Variants in EP300 observed in about 807,000 individuals in gnomAD.
EP300 encodes histone acetyltransferase p300.
Under a neutral mutation model 264.0 loss-of-function variants are expected in EP300, and 31 were observed. That is an observed-to-expected ratio of 0.12 (90% CI 0.09 to 0.16). The LOEUF is 0.16. Among genes scored for constraint, EP300 ranks in the 10% least tolerant of loss-of-function variants. The probability of loss-of-function intolerance (pLI) is 1.00; values close to 1 mark genes in which losing one functional copy is unlikely to be tolerated. For missense variants in EP300, 2,766 were observed against 3,052.9 expected (o/e 0.91, Z 2.21); for synonymous variants, 1,340 against 1,045.4 (o/e 1.28, Z -5.44).
At chr22:41,134,902 C>A (rs948403040) in intron 6 of EP300, among the ~76,000 whole-genome samples, 10 of 151,212 alleles carry the variant, frequency 6.6e-5, no homozygotes. Flanking sequence ...TTGCTTTTTT[C>A]TTTCTTTCTT....
intron 2 of EP300, among the ~76,000 whole-genome samples, chr22:41,125,174 A>G (rs1156320883): frequency 3.0e-5 from 4 of 135,412 alleles, no homozygotes; most frequent in Admixed American, 8.6e-5. Context: ...GCTGGAGTGC[A>G]GCGGCGTGAT....
At chr22:41,133,573 A>C (rs1256193209) in intron 6 of EP300, among the ~76,000 whole-genome samples, 1 of 152,170 alleles carries the variant, frequency 6.6e-6, no homozygotes, top group Non-Finnish European at 1.5e-5. Flanking sequence ...GAGAATCCCA[A>C]ATCCAAAAAT....
rs768761731 is a variant in EP300, at chr22:41,149,096, A to T, written c.2300A>T (p.Gln767Leu). The T allele has an allele frequency of 1.9e-6, 3 of 1,612,900 alleles. No homozygotes were observed. The South Asian group carries it at 3.3e-5, about 18-fold the overall frequency. Residue 767 changes from glutamine to leucine, a missense_variant, in exon 13 of 31, where the codon CAG (glutamine) becomes CTG (leucine). Coordinates refer to ENST00000263253, the MANE Select transcript of EP300 (RefSeq NM_001429.4). Reference protein sequence around the residue: ...QPSNQGQFLPQTQFPSQGMNV... With the variant: ...QPSNQGQFLPLTQFPSQGMNV... ...TCCAACCAGGGCCAGTTCCTTCCTCAGACTCAGTTCCCATCACAGGGAATG... is the reference window on the plus strand; with the variant it reads ...TCCAACCAGGGCCAGTTCCTTCCTCTGACTCAGTTCCCATCACAGGGAATG...
chr22:41,137,545 A>G (rs2058958783), intron 7 of EP300, 108 bp from the exon 8 acceptor site: 3 of 1,446,848 alleles, frequency 2.1e-6, no homozygotes, highest in Non-Finnish European at 2.9e-6. Flanking sequence ...TGCGAATAGA[A>G]GTGACATAGC....
chr22:41,116,217 TTTTC>T (rs2058820826), intron 1 of EP300, among the ~76,000 whole-genome samples: 1 of 152,184 alleles, frequency 6.6e-6, no homozygotes, highest in South Asian at 2.1e-4. Flanking sequence ...TTTAGAATGT[TTTTC>T]TTTTTTTAAT....
rs878889543 is a variant in EP300 at position 41,169,626 on chromosome 22, T to C, written c.4286+10T>C. Reference sequence around the variant, plus strand: ...ATGTCAAGAAATTAGGGTAAGCATATTTTGATAATGGCTTTTTTTCTTTAA... The same window carrying C: ...ATGTCAAGAAATTAGGGTAAGCATACTTTGATAATGGCTTTTTTTCTTTAA... On this transcript the variant is annotated intron_variant, in intron 26 of 30. Coordinates refer to ENST00000263253, the MANE Select transcript of EP300 (RefSeq NM_001429.4). The C allele has an allele frequency of 2.7e-6, 4 of 1,501,348 alleles. No individual in the cohort carries two copies. The South Asian group carries it at 3.4e-5, about 13-fold the overall frequency. The allele number at this position is 1,501,348 out of a possible 1,614,324, so 93.0% of individuals were successfully genotyped here.
chr22:41,170,273 G>A (rs2059161968), intron 26 of EP300, 133 bp from the exon 27 acceptor site: 1 of 786,572 alleles, frequency 1.3e-6, no homozygotes, highest in African/African-American at 1.7e-5. Context: ...ATCTCATTCT[G>A]GGTTATATAT....
intron 1 of EP300, among the ~76,000 whole-genome samples, chr22:41,098,244 A>G (rs1483231891): frequency 1.3e-5 from 2 of 152,170 alleles, no homozygotes; most frequent in Non-Finnish European, 2.9e-5. Context: ...ATGGGAAATT[A>G]CTGCTCACTT....
chr22:41,106,274 A>G (rs1395860038), intron 1 of EP300, among the ~76,000 whole-genome samples: 1 of 152,218 alleles, frequency 6.6e-6, no homozygotes, highest in African/African-American at 2.4e-5. Flanking sequence ...AGAACAAGAA[A>G]TCTTTGTAAG....
intron 1 of EP300, among the ~76,000 whole-genome samples, chr22:41,097,289 C>T (rs755501486): frequency 1.4e-4 from 21 of 152,102 alleles, no homozygotes; most frequent in Non-Finnish European, 2.4e-4. Context: ...ATATGGGGGT[C>T]TTATTCCAGC....
Position 41,178,440 on chromosome 22 carries a change from C to T in EP300, c.6729C>T (p.Gly2243=), listed in dbSNP as rs765194008. The T allele has an allele frequency of 1.2e-4, 194 of 1,613,964 alleles. 2 individuals carry two copies. The Admixed American group carries it at 3.2e-3, about 27-fold the overall frequency. Residue 2243 remains glycine (G), a synonymous_variant, in exon 31 of 31, where the codon GGC becomes GGT. Transcript: ENST00000263253. ...AACAAGGAAATATGGGACAGATAGG[C>T]CAGCTTCCCCAGGCCTTGGGAGCAG... ...QMQQGNMGQI[G]QLPQALGAEA... is the part of the protein sequence containing the mutation.
intron 22 of EP300, 87 bp from the exon 23 acceptor site, chr22:41,166,512 A>G: frequency 2.9e-6 from 3 of 1,034,224 alleles, no homozygotes; most frequent in Non-Finnish European, 4.5e-6. Context: ...TACTTCTGCT[A>G]GATTGTCTTT....
intron 26 of EP300, 135 bp from the exon 27 acceptor site, chr22:41,170,271 C>G (rs761933297): frequency 6.6e-5 from 51 of 773,120 alleles, no homozygotes; most frequent in Non-Finnish European, 9.2e-5. Flanking sequence ...TAATCTCATT[C>G]TGGGTTATAT....
intron 2 of EP300, among the ~76,000 whole-genome samples, chr22:41,124,765 C>G (rs1217358627): frequency 6.6e-6 from 1 of 152,094 alleles, no homozygotes; most frequent in African/African-American, 2.4e-5. Flanking sequence ...GAATGGCAAA[C>G]CTTGTTTAAC....
In EP300 at chr22:41,179,036, A is replaced by G; in HGVS notation, c.*80A>G. The G allele has an allele frequency of 5.8e-6, 9 of 1,545,420 alleles. No homozygotes were observed. The highest frequency in any genetic ancestry group is 7.9e-6 in the Non-Finnish European group (9 of 1,133,724). ...TTTGTACTGAAAACAATTTTTTTGA[A>G]TCTTTCGTAGCCTAAAAGACAATTT... On this transcript the variant is annotated 3_prime_UTR_variant, in exon 31 of 31. Transcript: ENST00000263253.
chr22:41,101,348 G>A (rs1465794044), intron 1 of EP300, among the ~76,000 whole-genome samples: 3 of 152,058 alleles, frequency 2.0e-5, no homozygotes, highest in Non-Finnish European at 2.9e-5. Flanking sequence ...TGGTATTAGA[G>A]GCGAGAGCCA....
In EP300 at chr22:41,149,155, G is replaced by C. The variant is rs564786569; in HGVS notation, c.2359G>C (p.Gly787Arg). ...AAATATCCCTTTGGCTCCGTCCAGC[G>C]GTCAAGCTCCAGTGTCTCAAGTATG... is the stretch of plus-strand genomic sequence containing the variant. ...VTNIPLAPSS[G>R]QAPVSQAQMS... Residue 787 changes from glycine to arginine, a missense_variant, in exon 13 of 31, where the codon GGT (glycine) becomes CGT (arginine). Coordinates refer to ENST00000263253, the MANE Select transcript of EP300 (RefSeq NM_001429.4). The C allele has an allele frequency of 6.2e-7, 1 of 1,613,792 alleles. No individual in the cohort carries two copies. Among genetic ancestry groups the C allele is most frequent in the Non-Finnish European group, 8.5e-7 (1 of 1,179,968 alleles).
intron 10 of EP300, among the ~76,000 whole-genome samples, chr22:41,146,261 T>A (rs540239217): frequency 2.6e-5 from 4 of 151,254 alleles, no homozygotes; most frequent in Non-Finnish European, 5.9e-5. Flanking sequence ...GCCTTCCAGG[T>A]TCATGCGATT....
chr22:41,147,810 G>T (rs764743324), intron 11 of EP300, 27 bp from the exon 12 acceptor site: 3 of 1,421,578 alleles, frequency 2.1e-6, no homozygotes, highest in Middle Eastern at 1.7e-4. Context: ...AAGGCATTCA[G>T]ATCTAACATT....
Sources: allele counts gnomAD v4.1 joint callset (sites outside exome capture counted in the v4.1 genomes callset), GRCh38; gene constraint gnomAD v4.1.1; transcripts MANE v1.5; gene names NCBI Gene and HGNC (gene_info 2026-07-23, HGNC 2026-07-21).